HMCN1: variants seen among roughly 807,000 people sequenced by gnomAD.
HMCN1 encodes the protein hemicentin 1, also known as hemicentin-1.
In HMCN1, 321 loss-of-function variants were observed where a neutral mutation model predicts 625.9. The observed-to-expected ratio is 0.51, with a 90% CI of 0.47 to 0.56. The LOEUF (loss-of-function observed/expected upper bound fraction) is 0.56, where lower values mean the gene tolerates loss of function less well. Among genes scored for constraint, HMCN1 ranks in the 20% least tolerant of loss-of-function variants. The pLI, the probability that HMCN1 is intolerant of heterozygous loss-of-function variation, is 0.00. For missense variants in HMCN1, 6,588 were observed against 6,887.3 expected (o/e 0.96, Z 1.54); for synonymous variants, 2,425 against 2,417.6 (o/e 1.00, Z -0.09).
rs1652973757 is a variant in HMCN1, at chr1:186,182,147, C to G, written c.16295-21C>G. The G allele has an allele frequency of 9.3e-6, 15 of 1,612,276 alleles. No homozygotes were observed. In the East Asian group the frequency reaches 3.3e-4, roughly 36 times the overall value. On this transcript the variant is annotated intron_variant, in intron 104 of 106. Transcript: ENST00000271588. ...GCTTTTTTCTTGTGTAGTGATAACT[C>G]TCTGTCTTCTTCCTGAACAGATATT...
chr1:185,883,166 CAAAG>C (rs1348749695), intron 4 of HMCN1, among the ~76,000 whole-genome samples: 1 of 151,968 alleles, frequency 6.6e-6, no homozygotes, highest in Admixed American at 6.6e-5. Flanking sequence ...ATTATGAACA[CAAAG>C]AAAGCATGCT....
chr1:185,973,713 A>T (rs1380091113), intron 15 of HMCN1, among the ~76,000 whole-genome samples: 1 of 152,054 alleles, frequency 6.6e-6, no homozygotes, highest in Non-Finnish European at 1.5e-5. Flanking sequence ...GTCAACAGGG[A>T]AAGTTACCAA....
intron 1 of HMCN1, among the ~76,000 whole-genome samples, chr1:185,750,835 T>TC (rs1271585362): frequency 5.9e-5 from 9 of 151,634 alleles, no homozygotes; most frequent in African/African-American, 2.2e-4. Flanking sequence ...AAATTCTATT[T>TC]TCCCCCCCTC....
chr1:186,006,511 T>C (rs1653643701), intron 29 of HMCN1, among the ~76,000 whole-genome samples: 1 of 152,216 alleles, frequency 6.6e-6, no homozygotes, highest in East Asian at 1.9e-4. Context: ...CTCTGTATAG[T>C]AGAAAAAGAC....
rs1486862177 is a variant in HMCN1 at position 186,178,668 on chromosome 1, C to G, written c.16196C>G (p.Ser5399Ter). 1 of 1,613,944 alleles carries G rather than the reference C, an allele frequency of 6.2e-7. No individual in the cohort carries two copies. Among genetic ancestry groups the G allele is most frequent in the Non-Finnish European group, 8.5e-7 (1 of 1,179,800 alleles). ...RQYSHLYSSY[S>*]EYRNSRTSLS... The stretch of plus-strand genomic sequence containing the variant: ...TACTCACATCTCTACAGCTCCTACT[C>G]AGAGTATAGAAACAGCAGAACATCT... Residue 5399 changes from serine (S) to a stop codon, truncating the protein, a stop_gained, in exon 104 of 107, where the codon TCA becomes TGA. Transcript: ENST00000271588. LOFTEE classifies it high-confidence loss of function.
intron 52 of HMCN1, among the ~76,000 whole-genome samples, chr1:186,071,850 A>G (rs1658498603): frequency 6.6e-6 from 1 of 152,130 alleles, no homozygotes; most frequent in Non-Finnish European, 1.5e-5. Context: ...TTGGAAACAA[A>G]TAATCCCTTT....
intron 1 of HMCN1, among the ~76,000 whole-genome samples, chr1:185,821,155 G>A (rs1241212564): frequency 2.0e-5 from 3 of 151,874 alleles, no homozygotes; most frequent in Admixed American, 1.3e-4. Context: ...GTCAATAAGA[G>A]CACAAATGTC....
At chr1:186,000,874 T>C (rs538916288) in intron 26 of HMCN1, among the ~76,000 whole-genome samples, 2 of 152,170 alleles carry the variant, frequency 1.3e-5, no homozygotes, top group Admixed American at 1.3e-4. Context: ...AAATACTGTA[T>C]ATATGCCATT....
chr1:186,144,876 A>T (rs1277693258), intron 91 of HMCN1, among the ~76,000 whole-genome samples, 173 bp downstream of exon 91: 1 of 152,220 alleles, frequency 6.6e-6, no homozygotes, highest in Non-Finnish European at 1.5e-5. Flanking sequence ...TCTTCGATTC[A>T]TAGGGGCAGG....
At chr1:186,181,317 C>T (rs1652912736) in intron 104 of HMCN1, among the ~76,000 whole-genome samples, 1 of 152,110 alleles carries the variant, frequency 6.6e-6, no homozygotes, top group African/African-American at 2.4e-5. Flanking sequence ...AATCTTCAGC[C>T]TCCCAAATCA....
intron 1 of HMCN1, among the ~76,000 whole-genome samples, chr1:185,736,853 T>TTTA (rs1653611204): frequency 6.6e-6 from 1 of 152,216 alleles, no homozygotes; most frequent in African/African-American, 2.4e-5. Context: ...AATCCAGTAA[T>TTTA]ATGAGAAAAT....
intron 104 of HMCN1, among the ~76,000 whole-genome samples, chr1:186,181,501 A>G (rs1652929948): frequency 6.6e-6 from 1 of 152,150 alleles, no homozygotes; most frequent in African/African-American, 2.4e-5. Flanking sequence ...AGTAGGGCAG[A>G]TGGTCTCAAG....
chr1:186,045,621 A>G, intron 40 of HMCN1, 67 bp from the exon 41 acceptor site: 4 of 1,196,984 alleles, frequency 3.3e-6, no homozygotes, highest in Non-Finnish European at 5.0e-6. Context: ...ATATGTCCTG[A>G]TAATTGATGA....
chr1:185,894,717 A>AT (rs879468245), intron 4 of HMCN1, among the ~76,000 whole-genome samples: 21 of 151,768 alleles, frequency 1.4e-4, no homozygotes, highest in African/African-American at 2.4e-4. Flanking sequence ...TATTTTATTT[A>AT]TTTTTTTTGT....
chr1:185,900,076 T>C (rs943239958), intron 4 of HMCN1, among the ~76,000 whole-genome samples: 1 of 152,044 alleles, frequency 6.6e-6, no homozygotes, highest in African/African-American at 2.4e-5. Context: ...CCTGCCTCTG[T>C]TTCTTCTTTA....
intron 93 of HMCN1, among the ~76,000 whole-genome samples, chr1:186,150,375 A>G (rs1314331800): frequency 6.6e-6 from 1 of 152,214 alleles, no homozygotes; most frequent in East Asian, 1.9e-4. Flanking sequence ...AGTCACCAGT[A>G]ATTTTGTTGA....
intron 50 of HMCN1, 47 bp from the exon 51 acceptor site, chr1:186,069,616 C>A (rs1471751336): frequency 8.1e-7 from 1 of 1,232,600 alleles, no homozygotes; most frequent in South Asian, 1.2e-5. Context: ...GTGTACTCCA[C>A]TGTCACTGTG....
At position 186,001,446 on chromosome 1, in the gene HMCN1, AAT is replaced by A. The variant is rs1258328750; in HGVS notation, c.4200+20_4200+21del. 1 of 1,611,822 alleles carries A rather than the reference AAT, an allele frequency of 6.2e-7. No homozygotes were observed. The highest frequency in any genetic ancestry group is 1.1e-5 in the South Asian group (1 of 91,032). On this transcript the variant is annotated intron_variant, in intron 27 of 106. Transcript: ENST00000271588. ...ATGTCCAGGTAAATAGAGTCATCCAAATACGTGTAATTCCTTGCCTCTGCATC... is the reference window on the plus strand; with the variant it reads ...ATGTCCAGGTAAATAGAGTCATCCAAACGTGTAATTCCTTGCCTCTGCATC...
rs144051894 is a variant in HMCN1, at chr1:185,994,978, C to G, written c.3669C>G (p.Asp1223Glu). Reference protein sequence around the residue: ...VDGEHHVSNPDGTLSIDQATP... With the variant: ...VDGEHHVSNPEGTLSIDQATP... ...GAGAGCACCATGTTAGCAATCCAGA[C>G]GGAACTTTAAGCATCGACCAAGCCA... The change falls in exon 24 of 107, where the codon GAC becomes GAG. Residue 1223 changes from aspartate (D) to glutamate (E), a missense_variant. Transcript: ENST00000271588. The G allele has an allele frequency of 3.7e-6, 6 of 1,613,844 alleles. No individual in the cohort carries two copies. The South Asian group carries it at 6.6e-5, about 18-fold the overall frequency.
Sources: allele counts gnomAD v4.1 joint callset (sites outside exome capture counted in the v4.1 genomes callset), GRCh38; gene constraint gnomAD v4.1.1; transcripts MANE v1.5; gene names NCBI Gene and HGNC (gene_info 2026-07-23, HGNC 2026-07-21).